The following ERBB4 variants were observed in gnomAD, a reference collection of about 807,000 sequenced individuals.
ERBB4 encodes the protein receptor tyrosine-protein kinase erbB-4.
In ERBB4, 42 loss-of-function variants were observed where a neutral mutation model predicts 158.0. The observed-to-expected ratio is 0.27, with a 90% CI of 0.21 to 0.34. ERBB4 has a LOEUF of 0.34. Among genes scored for constraint, ERBB4 ranks in the 10% least tolerant of loss-of-function variants. The probability of loss-of-function intolerance (pLI) is 1.00; values close to 1 mark genes in which losing one functional copy is unlikely to be tolerated. For synonymous variants in ERBB4, 583 were observed against 558.7 expected, an observed-to-expected ratio of 1.04 and a Z score of -0.61; for missense variants, 1,333 against 1,624.1, an observed-to-expected ratio of 0.82 and a Z score of 3.08.
intron 20 of ERBB4, among the ~76,000 whole-genome samples, chr2:211,448,881 C>T (rs2064175651): frequency 6.6e-6 from 1 of 152,066 alleles, no homozygotes; most frequent in African/African-American, 2.4e-5. Flanking sequence ...ATTAAATGCA[C>T]ATTTTTTGTT....
intron 16 of ERBB4, among the ~76,000 whole-genome samples, chr2:211,654,912 T>G (rs968241498): frequency 2.0e-5 from 3 of 152,224 alleles, no homozygotes; most frequent in African/African-American, 7.2e-5. Flanking sequence ...GAATTAGGTG[T>G]TTTAGTCTGA....
intron 1 of ERBB4, among the ~76,000 whole-genome samples, chr2:212,195,622 T>C (rs2082404007): frequency 1.3e-5 from 2 of 152,074 alleles, no homozygotes; most frequent in Non-Finnish European, 2.9e-5. Flanking sequence ...TAATTTTTAA[T>C]ATGGCACAAG....
chr2:211,387,139 T>C lies in ERBB4; in HGVS notation c.3195A>G (p.Val1065=), dbSNP rs3748962. The C allele has an allele frequency of 0.32, 515,206 of 1,610,022 alleles. 85,843 individuals are homozygous for C. The highest frequency in any genetic ancestry group is 0.34 in the Non-Finnish European group (401,873 of 1,176,296). ...CAGCAGCAAAACCTCCATCTCGGTA[T>C]ACAAACTGGTTCTGTTAATAAGAGA... ...AYTPMSGNQF[V]YRDGGFAAEQ... The change falls in exon 27 of 28, where the codon GTA becomes GTG. Residue 1065 remains valine, a synonymous_variant. Transcript: ENST00000342788.
At chr2:212,426,814 A>G (rs1008194917) in intron 1 of ERBB4, among the ~76,000 whole-genome samples, 1 of 152,058 alleles carries the variant, frequency 6.6e-6, no homozygotes, top group Non-Finnish European at 1.5e-5. Context: ...CCCACCCACA[A>G]AGTAAATGTG....
Position 211,713,641 on chromosome 2 carries a change from A to C in ERBB4, c.891T>G (p.Phe297Leu), listed in dbSNP as rs878956503. 14 of 1,586,150 alleles carry C rather than the reference A, an allele frequency of 8.8e-6. No homozygotes were observed. The highest frequency in any genetic ancestry group is 1.1e-5 in the Non-Finnish European group (13 of 1,158,428). The part of the protein sequence containing the change: ...AFCVKKCPHN[F>L]VVDSSSCVRA... The stretch of plus-strand genomic sequence containing the variant: ...GCACACAAGAACTGGAATCTACCAC[A>C]AAGTTATCTGATTAAAAAAAAAAAA... The change falls in exon 8 of 28, where the codon TTT becomes TTG. Residue 297 changes from phenylalanine (F) to leucine (L), a missense_variant. Transcript: ENST00000342788.
At chr2:212,330,337 G>A (rs1318082902) in intron 1 of ERBB4, among the ~76,000 whole-genome samples, 1 of 152,068 alleles carries the variant, frequency 6.6e-6, no homozygotes, top group Non-Finnish European at 1.5e-5. Flanking sequence ...AGATTAGGGG[G>A]CTAGCCGTGG....
At chr2:212,510,632 T>C (rs77610536) in intron 1 of ERBB4, among the ~76,000 whole-genome samples, 1,875 of 152,046 alleles carry the variant, frequency 0.012, 40 homozygotes, top group African/African-American at 0.043. Context: ...TAATAGGAGA[T>C]CACATAATTG....
intron 2 of ERBB4, among the ~76,000 whole-genome samples, chr2:212,098,670 A>G (rs528598384): frequency 6.6e-6 from 1 of 152,252 alleles, no homozygotes; most frequent in African/African-American, 2.4e-5. Context: ...TAGGGATATT[A>G]TATAATATTG....
chr2:211,704,496 C>T (rs758636352), intron 10 of ERBB4, among the ~76,000 whole-genome samples: 7 of 152,152 alleles, frequency 4.6e-5, no homozygotes, highest in Admixed American at 2.0e-4. Flanking sequence ...AAATCTTTTA[C>T]GTCTTCATCT....
In ERBB4 at chr2:211,653,964, G is replaced by A. The variant is rs555977642; in HGVS notation, c.1946+3790C>T. On this transcript the variant is annotated intron_variant, in intron 16 of 27. Transcript: ENST00000342788. ...GCTGGGATTACAGGTATGAGCCACC[G>A]CGCCCTGCCCAAAACAACTATTTTC... 5.7e-4 allele frequency among the ~76,000 whole-genome samples: 86 copies of A among 152,176 alleles called. 2 individuals are homozygous for A. The highest frequency in any genetic ancestry group is 6.8e-3 in the Middle Eastern group (2 of 294).
chr2:212,488,888 A>C lies in ERBB4; in HGVS notation c.82+49561T>G, dbSNP rs193065586. Among the ~76,000 whole-genome samples, 5 of 150,258 alleles carry C rather than the reference A, an allele frequency of 3.3e-5. No individual in the cohort carries two copies. The East Asian group carries it at 9.8e-4, about 29-fold the overall frequency. On this transcript the variant is annotated intron_variant, in intron 1 of 27. Coordinates refer to ENST00000342788, the MANE Select transcript of ERBB4 (RefSeq NM_005235.3). Reference sequence around the variant, plus strand: ...ACTTGTGGTCACTCCCTCAAACTGTAAGTCTCAGCAGGAGGATCTAACTGG... The same window carrying C: ...ACTTGTGGTCACTCCCTCAAACTGTCAGTCTCAGCAGGAGGATCTAACTGG...
At chr2:212,191,611 T>C (rs199820467) in intron 1 of ERBB4, among the ~76,000 whole-genome samples, 25 of 15,706 alleles carry the variant, frequency 1.6e-3, no homozygotes, top group South Asian at 7.2e-3. Context: ...GTTATGCCTG[T>C]TATATATAAC....
chr2:212,028,568 A>C (rs2076828346), intron 2 of ERBB4, among the ~76,000 whole-genome samples: 1 of 152,134 alleles, frequency 6.6e-6, no homozygotes, highest in African/African-American at 2.4e-5. Flanking sequence ...CATTCTAGGC[A>C]GGGAACACAG....
intron 12 of ERBB4, among the ~76,000 whole-genome samples, chr2:211,681,233 T>C (rs2072319962): frequency 6.6e-6 from 1 of 152,210 alleles, no homozygotes; most frequent in Non-Finnish European, 1.5e-5. Flanking sequence ...TATGGATATA[T>C]GAAATTTATA....
chr2:212,323,396 T>A (rs1479787610), intron 1 of ERBB4, among the ~76,000 whole-genome samples: 2 of 150,604 alleles, frequency 1.3e-5, no homozygotes, highest in Non-Finnish European at 3.0e-5. Context: ...TATATCTTTT[T>A]TAAAAAGCAT....
intron 1 of ERBB4, among the ~76,000 whole-genome samples, chr2:212,240,384 C>T (rs1458682069): frequency 2.6e-5 from 4 of 151,846 alleles, no homozygotes; most frequent in Admixed American, 2.0e-4. Flanking sequence ...CTATGGTTCA[C>T]GTCTGTAATC....
At chr2:212,068,198 G>A (rs1050183083) in intron 2 of ERBB4, among the ~76,000 whole-genome samples, 2 of 151,956 alleles carry the variant, frequency 1.3e-5, no homozygotes, top group Non-Finnish European at 2.9e-5. Context: ...ACATCAAATG[G>A]TCTCTGTCCA....
chr2:212,443,206 G>A (rs527237709), intron 1 of ERBB4, among the ~76,000 whole-genome samples: 29 of 152,304 alleles, frequency 1.9e-4, no homozygotes, highest in African/African-American at 7.0e-4. Context: ...CCCGCTTTGT[G>A]TCATAATCTT....
chr2:212,457,412 A>C (rs1688350888), intron 1 of ERBB4, among the ~76,000 whole-genome samples: 1 of 152,028 alleles, frequency 6.6e-6, no homozygotes, highest in Non-Finnish European at 1.5e-5. Flanking sequence ...AGACTGTTCC[A>C]AATTTTGTTA....
Sources: allele counts gnomAD v4.1 joint callset (sites outside exome capture counted in the v4.1 genomes callset), GRCh38; gene constraint gnomAD v4.1.1; transcripts MANE v1.5; gene names NCBI Gene and HGNC (gene_info 2026-07-23, HGNC 2026-07-21).